Variants in KIZ observed in about 807,000 individuals in gnomAD.
KIZ encodes kizuna centrosomal protein, also known as centrosomal protein kizuna.
KIZ carries 68 observed loss-of-function variants against 79.6 expected under a neutral mutation model. The observed-to-expected ratio is 0.85, with a 90% CI of 0.70 to 1.05. The LOEUF is 1.05. KIZ is among the 50% of genes least tolerant of loss of function. The pLI, the probability that KIZ is intolerant of heterozygous loss-of-function variation, is 0.00. For missense variants in KIZ, 797 were observed against 800.4 expected, an observed-to-expected ratio of 1.00 and a Z score of 0.05; for synonymous variants, 280 against 281.8, an observed-to-expected ratio of 0.99 and a Z score of 0.06.
Position 21,126,214 on chromosome 20 carries a change from C to T in KIZ, c.89+10C>T. 1 of 1,410,226 alleles carries T rather than the reference C, an allele frequency of 7.1e-7. No individual in the cohort carries two copies. The highest frequency in any genetic ancestry group is 9.4e-7 in the Non-Finnish European group (1 of 1,063,684). The allele number at this position is 1,410,226 out of a possible 1,614,324, so 87.4% of individuals were successfully genotyped here. A position where few individuals can be genotyped will look rare whatever the true frequency, so the allele number is the denominator to read the frequency against. ...ACGGGCTGCGGGACAGGTAAGGGCA[C>T]TGGGGCGGGGGTGGGGAGTCGGCCC... On this transcript the variant is annotated intron_variant, in intron 1 of 12. Coordinates refer to ENST00000619189, the MANE Select transcript of KIZ (RefSeq NM_018474.6).
At chr20:21,208,240 C>G (rs2035918704) in intron 7 of KIZ, among the ~76,000 whole-genome samples, 1 of 152,246 alleles carries the variant, frequency 6.6e-6, no homozygotes. Context: ...AACAACCAAT[C>G]TACTCAATTT....
intron 6 of KIZ, among the ~76,000 whole-genome samples, chr20:21,192,792 A>G (rs2035170781): frequency 6.6e-6 from 1 of 152,172 alleles, no homozygotes. Context: ...GGCATAGTAA[A>G]TGATTTTTAG....
intron 10 of KIZ, among the ~76,000 whole-genome samples, chr20:21,229,827 T>A (rs2036779607): frequency 6.6e-6 from 1 of 152,164 alleles, no homozygotes; most frequent in Non-Finnish European, 1.5e-5. Context: ...CCACCTGCCT[T>A]GGTCTCCCAA....
intron 7 of KIZ, among the ~76,000 whole-genome samples, chr20:21,210,764 T>C (rs1484390290): frequency 3.0e-5 from 2 of 65,788 alleles, no homozygotes; most frequent in Admixed American, 1.6e-4. Flanking sequence ...ACTATCAGCT[T>C]TTTTTTTTTT....
At chr20:21,199,625 C>T (rs1458462020) in intron 6 of KIZ, among the ~76,000 whole-genome samples, 1 of 152,188 alleles carries the variant, frequency 6.6e-6, no homozygotes, top group Non-Finnish European at 1.5e-5. Flanking sequence ...CCCCGCTGCC[C>T]TCCTTGCTCT....
chr20:21,161,611 C>G (rs1027329622), intron 4 of KIZ, among the ~76,000 whole-genome samples: 1 of 152,154 alleles, frequency 6.6e-6, no homozygotes, highest in Non-Finnish European at 1.5e-5. Context: ...GGATTACAGG[C>G]ATGAGCCACC....
At chr20:21,152,297 T>A (rs1008577278) in intron 4 of KIZ, among the ~76,000 whole-genome samples, 1 of 152,196 alleles carries the variant, frequency 6.6e-6, no homozygotes, top group Admixed American at 6.5e-5. Context: ...TATACGATTT[T>A]AAAAATTAAA....
At chr20:21,158,707 G>A (rs999901126) in intron 4 of KIZ, 1 of 152,138 alleles carries the variant, frequency 6.6e-6, no homozygotes, top group Non-Finnish European at 1.5e-5. Context: ...TCATGGAGGT[G>A]GAACTTCCTT....
At chr20:21,150,801 A>AC (rs770060486) in intron 4 of KIZ, 1 of 151,708 alleles carries the variant, frequency 6.6e-6, no homozygotes, top group Non-Finnish European at 1.5e-5. Flanking sequence ...CTGCCACACC[A>AC]CCCCACAGCA....
chr20:21,153,348 T>C (rs1200674634), intron 4 of KIZ, among the ~76,000 whole-genome samples: 1 of 152,074 alleles, frequency 6.6e-6, no homozygotes, highest in Non-Finnish European at 1.5e-5. Flanking sequence ...ATTGAAGAAA[T>C]AGGAGGTAAT....
intron 6 of KIZ, among the ~76,000 whole-genome samples, chr20:21,164,163 A>C (rs2033824241): frequency 6.6e-6 from 1 of 152,180 alleles, no homozygotes; most frequent in Admixed American, 6.5e-5. Context: ...TGAAAAGCCA[A>C]GTGGGCCTTT....
intron 11 of KIZ, among the ~76,000 whole-genome samples, chr20:21,237,402 C>T (rs1310067735): frequency 6.6e-6 from 1 of 152,134 alleles, no homozygotes; most frequent in African/African-American, 2.4e-5. Flanking sequence ...ATTCCACCCC[C>T]TGCTCCCGCC....
intron 9 of KIZ, among the ~76,000 whole-genome samples, chr20:21,217,363 T>C (rs894701273): frequency 3.3e-5 from 5 of 152,246 alleles, no homozygotes; most frequent in African/African-American, 2.4e-5. Flanking sequence ...TTTGTGACTT[T>C]GGCATAACTA....
chr20:21,166,613 G>T, intron 6 of KIZ: 4 of 1,091,912 alleles, frequency 3.7e-6, no homozygotes, highest in Non-Finnish European at 5.3e-6. Flanking sequence ...GGTGCGGAAA[G>T]AGCTTTTGTA....
chr20:21,189,974 A>G (rs2035043857), intron 6 of KIZ, among the ~76,000 whole-genome samples: 1 of 152,232 alleles, frequency 6.6e-6, no homozygotes, highest in South Asian at 2.1e-4. Flanking sequence ...CAGGTTTTGT[A>G]AGACAGCCCT....
In KIZ at chr20:21,161,852, A is replaced by T; in HGVS notation, c.406-19A>T. 1.3e-6 allele frequency: 2 copies of T among 1,582,976 alleles called. No individual in the cohort carries two copies. Among genetic ancestry groups the T allele is most frequent in the Non-Finnish European group, 1.7e-6 (2 of 1,158,340 alleles). On this transcript the variant is annotated intron_variant, in intron 4 of 12. Transcript: ENST00000619189. ...TTTATACACAGTATGTTTAACTCAC[A>T]TCTCTTTTGGTGTTGCAGGTTGCAG... is the stretch of plus-strand genomic sequence containing the variant.
intron 6 of KIZ, among the ~76,000 whole-genome samples, chr20:21,193,106 C>G (rs2035184677): frequency 6.6e-6 from 1 of 152,160 alleles, no homozygotes; most frequent in African/African-American, 2.4e-5. Context: ...ATCTCTGCTT[C>G]AGCCCAGCAT....
intron 3 of KIZ, among the ~76,000 whole-genome samples, chr20:21,140,825 A>T (rs1600367807): frequency 6.6e-6 from 1 of 151,888 alleles, no homozygotes; most frequent in African/African-American, 2.4e-5. Context: ...CAAAAAATTT[A>T]AAAATAAAAT....
intron 7 of KIZ, among the ~76,000 whole-genome samples, chr20:21,211,115 A>G (rs940024020): frequency 4.6e-5 from 7 of 152,194 alleles, no homozygotes; most frequent in Non-Finnish European, 8.8e-5. Flanking sequence ...GAATATCACA[A>G]CCGTAAGTTT....
Sources: allele counts gnomAD v4.1 joint callset (sites outside exome capture counted in the v4.1 genomes callset), GRCh38; gene constraint gnomAD v4.1.1; transcripts MANE v1.5; gene names NCBI Gene and HGNC (gene_info 2026-07-23, HGNC 2026-07-21).